The following NBAS variants were observed in gnomAD, a reference collection of about 807,000 sequenced individuals.
NBAS encodes the protein NAG/BC035112 fusion.
NBAS carries 219 observed loss-of-function variants against 302.5 expected under a neutral mutation model. The observed-to-expected ratio is 0.72, with a 90% CI of 0.65 to 0.81. NBAS has a LOEUF of 0.81. Ranked by LOEUF, NBAS falls within the 30% of genes least tolerant of loss-of-function variation. The pLI is 0.00. For missense variants in NBAS, 2,932 were observed against 2,841.6 expected, an observed-to-expected ratio of 1.03 and a Z score of -0.72; for synonymous variants, 1,118 against 1,021.6, an observed-to-expected ratio of 1.09 and a Z score of -1.80.
At chr2:15,538,181 T>C (rs1381724222) in intron 7 of NBAS, among the ~76,000 whole-genome samples, 1 of 152,088 alleles carries the variant, frequency 6.6e-6, no homozygotes, top group Admixed American at 6.5e-5. Flanking sequence ...TTGTAGTTAC[T>C]ATTAAATAAA....
Position 15,190,376 on chromosome 2 carries a change from C to T in NBAS, c.6460G>A (p.Glu2154Lys). The T allele has an allele frequency of 6.2e-7, 1 of 1,613,972 alleles. No individual in the cohort carries two copies. Among genetic ancestry groups the T allele is most frequent in the Non-Finnish European group, 8.5e-7 (1 of 1,179,910 alleles). The change falls in exon 49 of 52, where the codon GAG (glutamate) becomes AAG (lysine). Residue 2154 changes from glutamate (E) to lysine (K), a missense_variant. Physicochemically the swap from Glu to Lys is moderately conservative, Grantham distance 56. Coordinates refer to ENST00000281513, the MANE Select transcript of NBAS (RefSeq NM_015909.4). ...TCCATGAATAGACAGTAGCGGTTCTCTTCATTCTCAATGTCAGCTATGTCT... is the reference window on the plus strand; with the variant it reads ...TCCATGAATAGACAGTAGCGGTTCTTTTCATTCTCAATGTCAGCTATGTCT... ...QVDIADIENE[E>K]NRYCLFMELL...
the NBAS span, among the ~76,000 whole-genome samples, chr2:14,826,011 G>T: frequency 0.058 from 8,903 of 152,256 alleles, 305 homozygotes; most frequent in African/African-American, 0.074. Context: ...ATTCAAATAG[G>T]TTTGGCAATT....
intron 35 of NBAS, among the ~76,000 whole-genome samples, chr2:15,342,980 A>C (rs1024241394): frequency 5.9e-5 from 9 of 152,144 alleles, no homozygotes; most frequent in Non-Finnish European, 1.0e-4. Flanking sequence ...CAGAAAAAAA[A>C]AAAATCAAAG....
At chr2:15,430,091 A>C (rs554664983) in intron 21 of NBAS, among the ~76,000 whole-genome samples, 3 of 152,304 alleles carry the variant, frequency 2.0e-5, no homozygotes, top group African/African-American at 7.2e-5. Flanking sequence ...TGTTTTCTAA[A>C]AGAATTTTAG....
chr2:15,411,546 T>G (rs114869962), intron 25 of NBAS, among the ~76,000 whole-genome samples: 169 of 152,252 alleles, frequency 1.1e-3, no homozygotes, highest in African/African-American at 3.9e-3. Flanking sequence ...ATTTTTTGAG[T>G]TTTCTAAATA....
intron 28 of NBAS, among the ~76,000 whole-genome samples, chr2:15,393,228 T>A (rs1675694571): frequency 6.6e-6 from 1 of 152,006 alleles, no homozygotes; most frequent in Non-Finnish European, 1.5e-5. Context: ...TTAAAAAGCA[T>A]ACTCTTCAAA....
chr2:15,245,075 G>A (rs913994253), intron 44 of NBAS, among the ~76,000 whole-genome samples: 1 of 152,078 alleles, frequency 6.6e-6, no homozygotes, highest in Non-Finnish European at 1.5e-5. Context: ...GGGTTGCTTT[G>A]TTACTCCAGC....
intron 4 of NBAS, among the ~76,000 whole-genome samples, chr2:15,553,779 TCTCTCTCTCCCTCCCTCC>T (rs1386644667): frequency 2.9e-5 from 3 of 103,998 alleles, no homozygotes; most frequent in African/African-American, 1.1e-4. Flanking sequence ...CCTCCCTCTT[TCTCTCTCTCCCTCCCTCC>T]CTCTCTCCCT....
At chr2:15,235,176 C>T (rs1020154401) in intron 45 of NBAS, among the ~76,000 whole-genome samples, 2 of 152,042 alleles carry the variant, frequency 1.3e-5, no homozygotes, top group African/African-American at 2.4e-5. Context: ...CTATGTAATC[C>T]CAGGTATTAT....
intron 35 of NBAS, among the ~76,000 whole-genome samples, chr2:15,350,741 C>T (rs1673315028): frequency 1.3e-5 from 2 of 152,130 alleles, no homozygotes; most frequent in Admixed American, 6.6e-5. Flanking sequence ...GAGGATCTCT[C>T]CTGAGCTATC....
chr2:15,434,704 T>C (rs1332132690), intron 21 of NBAS, among the ~76,000 whole-genome samples: 1 of 152,208 alleles, frequency 6.6e-6, no homozygotes. Context: ...ACAACTTTCA[T>C]TTATAGTAAT....
At chr2:15,064,879 A>G in the NBAS span, among the ~76,000 whole-genome samples, 14 of 152,196 alleles carry the variant, frequency 9.2e-5, no homozygotes, top group Admixed American at 7.2e-4. Context: ...CAGCACATTA[A>G]AAGGATCGTA....
At chr2:14,946,862 A>G in the NBAS span, among the ~76,000 whole-genome samples, 12 of 152,224 alleles carry the variant, frequency 7.9e-5, no homozygotes, top group South Asian at 6.2e-4. Context: ...AAAATCAATA[A>G]CAAGAGAAAC....
chr2:15,158,395 C>G, the NBAS span, among the ~76,000 whole-genome samples: 1 of 152,208 alleles, frequency 6.6e-6, no homozygotes, highest in Non-Finnish European at 1.5e-5. Flanking sequence ...CCAGCAGACA[C>G]AAAGGCCCCT....
chr2:14,803,196 G>A, the NBAS span, among the ~76,000 whole-genome samples: 75,975 of 151,980 alleles, frequency 0.5, 20,723 homozygotes, highest in African/African-American at 0.74. Flanking sequence ...ATGAAATCTG[G>A]GGTTTGCCTC....
chr2:15,226,469 T>C (rs1021925015), intron 47 of NBAS, among the ~76,000 whole-genome samples: 3 of 152,224 alleles, frequency 2.0e-5, no homozygotes, highest in South Asian at 4.1e-4. Flanking sequence ...TGAAATATGA[T>C]GTTATAAATA....
the NBAS span, among the ~76,000 whole-genome samples, chr2:14,878,136 G>A: frequency 2.6e-5 from 4 of 152,162 alleles, no homozygotes; most frequent in African/African-American, 7.2e-5. Context: ...GGCAAGTAAT[G>A]CAACACTAAA....
chr2:15,519,677 G>C (rs1026674481), intron 9 of NBAS, among the ~76,000 whole-genome samples: 1 of 152,026 alleles, frequency 6.6e-6, no homozygotes, highest in Non-Finnish European at 1.5e-5. Context: ...ACTCCTAGGT[G>C]CAAATGACCT....
chr2:15,067,988 G>A, the NBAS span, among the ~76,000 whole-genome samples: 7 of 152,262 alleles, frequency 4.6e-5, no homozygotes, highest in East Asian at 1.4e-3. Flanking sequence ...AGGGAAGTGT[G>A]CTTAGCCTCT....
Sources: gnomAD v4.1 joint callset for allele counts (sites outside exome capture counted in the v4.1 genomes callset) on GRCh38, gnomAD v4.1.1 for gene constraint, MANE v1.5 for transcripts, NCBI Gene and HGNC (gene_info 2026-07-23, HGNC 2026-07-21) for gene names.